The following DOCK1 variants were observed in gnomAD, a reference collection of about 807,000 sequenced individuals.
The protein encoded by DOCK1 is dedicator of cytokinesis protein 1.
Under a neutral mutation model 262.7 loss-of-function variants are expected in DOCK1, and 138 were observed. The ratio of observed to expected loss-of-function variants is 0.53; its 90% CI spans 0.46 to 0.61. The LOEUF (loss-of-function observed/expected upper bound fraction) is 0.61, where lower values mean the gene tolerates loss of function less well. Among genes scored for constraint, DOCK1 ranks in the 20% least tolerant of loss-of-function variants. DOCK1 has a pLI of 0.00. For synonymous variants in DOCK1, 866 were observed against 867.4 expected (o/e 1.00, Z 0.03); for missense variants, 1,908 against 2,370.7 (o/e 0.80, Z 4.05).
chr10:127,411,097 A>G (rs1302324385), intron 43 of DOCK1, among the ~76,000 whole-genome samples, 173 bp downstream of exon 43: 2 of 152,214 alleles, frequency 1.3e-5, no homozygotes, highest in Non-Finnish European at 2.9e-5. Flanking sequence ...TAGAAAAACT[A>G]ATTGCCATTT....
intron 26 of DOCK1, 46 bp from the exon 27 acceptor site, chr10:127,127,623 T>C: frequency 1.3e-6 from 2 of 1,483,568 alleles, no homozygotes; most frequent in Non-Finnish European, 1.9e-6. Flanking sequence ...GGCTTGCATG[T>C]TAATGTTTCT....
At chr10:126,949,509 C>T (rs1393261541) in intron 1 of DOCK1, among the ~76,000 whole-genome samples, 2 of 152,084 alleles carry the variant, frequency 1.3e-5, no homozygotes, top group Admixed American at 6.6e-5. Flanking sequence ...TTGTGAATTC[C>T]TTTTTCCCAG....
At chr10:127,203,974 T>C (rs1346354988) in intron 27 of DOCK1, among the ~76,000 whole-genome samples, 2 of 152,172 alleles carry the variant, frequency 1.3e-5, no homozygotes, top group Non-Finnish European at 2.9e-5. Flanking sequence ...TTTTTCTCTT[T>C]TTAGAAACTC....
intron 47 of DOCK1, among the ~76,000 whole-genome samples, chr10:127,431,081 C>T (rs1351526389): frequency 2.0e-5 from 3 of 152,178 alleles, no homozygotes; most frequent in Non-Finnish European, 4.4e-5. Context: ...CAGGAGGAAG[C>T]TGGGGCTCCG....
intron 27 of DOCK1, among the ~76,000 whole-genome samples, chr10:127,180,247 G>A (rs1462395386): frequency 6.6e-6 from 1 of 152,196 alleles, no homozygotes; most frequent in East Asian, 1.9e-4. Flanking sequence ...AGTGGGTGTT[G>A]GAGCACTGAG....
At chr10:127,070,237 C>G (rs1022751347) in intron 23 of DOCK1, among the ~76,000 whole-genome samples, 2 of 140,924 alleles carry the variant, frequency 1.4e-5, no homozygotes, top group East Asian at 2.2e-4. Flanking sequence ...AGGGTTGGAA[C>G]TTGAATTTAG....
intron 12 of DOCK1, among the ~76,000 whole-genome samples, chr10:127,016,788 A>G (rs1429183492): frequency 1.3e-5 from 2 of 151,364 alleles, no homozygotes; most frequent in Non-Finnish European, 3.0e-5. Context: ...ACACACGCGC[A>G]CACACACAGA....
intron 29 of DOCK1, among the ~76,000 whole-genome samples, chr10:127,270,847 T>C (rs1272435546): frequency 6.6e-6 from 1 of 152,194 alleles, no homozygotes; most frequent in African/African-American, 2.4e-5. Flanking sequence ...TCCAGTCTGG[T>C]GGTGTGTAGT....
rs1222246580 is a variant in DOCK1, at chr10:127,147,582, G to T, written c.2847+19818G>T. Among the ~76,000 whole-genome samples the T allele has an allele frequency of 2.6e-5, 4 of 152,084 alleles. No homozygotes were observed. The South Asian group carries it at 6.2e-4, about 24-fold the overall frequency. On this transcript the variant is annotated intron_variant, in intron 27 of 51. Coordinates refer to ENST00000623213, the MANE Select transcript of DOCK1 (RefSeq NM_001290223.2). ...CCCAGGGTAAGGGGCATGCATGGAG[G>T]TGTCTTCAGCAGCTTCACACTCCTC...
intron 28 of DOCK1, 89 bp downstream of exon 28, chr10:127,248,198 T>C (rs554863163): frequency 2.6e-6 from 3 of 1,168,028 alleles, no homozygotes; most frequent in East Asian, 2.5e-5. Flanking sequence ...TCATTTAAAA[T>C]AGGATTTTGC....
At chr10:126,911,365 T>C (rs1311993235) in intron 1 of DOCK1, among the ~76,000 whole-genome samples, 1 of 152,192 alleles carries the variant, frequency 6.6e-6, no homozygotes, top group African/African-American at 2.4e-5. Flanking sequence ...GTGGGAGCGC[T>C]GTATGAGCGG....
intron 23 of DOCK1, among the ~76,000 whole-genome samples, chr10:127,084,723 A>G (rs2047098147): frequency 6.6e-6 from 1 of 152,138 alleles, no homozygotes; most frequent in Non-Finnish European, 1.5e-5. Context: ...TACCCTAGGG[A>G]TGCTCCTGCT....
intron 29 of DOCK1, among the ~76,000 whole-genome samples, chr10:127,330,097 G>A (rs2062911831): frequency 6.6e-6 from 1 of 152,154 alleles, no homozygotes; most frequent in South Asian, 2.1e-4. Context: ...TTTGGAGGGA[G>A]CATTTTAAGG....
chr10:126,956,577 T>A (rs2036757211), intron 1 of DOCK1, among the ~76,000 whole-genome samples: 2 of 152,148 alleles, frequency 1.3e-5, no homozygotes, highest in Admixed American at 1.3e-4. Context: ...GAAAAGCAGC[T>A]CCTCAGCTCG....
chr10:127,291,776 G>T (rs1348613069), intron 29 of DOCK1, among the ~76,000 whole-genome samples: 2 of 152,214 alleles, frequency 1.3e-5, no homozygotes, highest in East Asian at 3.9e-4. Flanking sequence ...TATAGCCTAC[G>T]TAGAGAGAAT....
Position 127,356,674 on chromosome 10 carries a change from T to G in DOCK1, c.3283+1947T>G, listed in dbSNP as rs376253913. Among the ~76,000 whole-genome samples the G allele has an allele frequency of 1.2e-4, 18 of 152,178 alleles. No homozygotes were observed. In the East Asian group the frequency reaches 2.3e-3, roughly 20 times the overall value. ...GCAATGGCATGGAGGGGGGCTGTTC[T>G]CTGTTGGAACTCAGTGAGTCCAGGA... On this transcript the variant is annotated intron_variant, in intron 32 of 51. Coordinates refer to ENST00000623213, the MANE Select transcript of DOCK1 (RefSeq NM_001290223.2).
At chr10:127,207,935 AAT>A (rs2057797592) in intron 27 of DOCK1, among the ~76,000 whole-genome samples, 1 of 152,190 alleles carries the variant, frequency 6.6e-6, no homozygotes, top group Admixed American at 6.5e-5. Flanking sequence ...TTTAAGAATG[AAT>A]TGATGCGTTT....
chr10:127,096,991 G>T (rs964831294), intron 23 of DOCK1, among the ~76,000 whole-genome samples: 1 of 152,106 alleles, frequency 6.6e-6, no homozygotes, highest in Non-Finnish European at 1.5e-5. Context: ...TGTAATTCTA[G>T]CTACTCAGGA....
At chr10:126,988,510 C>T (rs967114445) in intron 5 of DOCK1, 1 of 152,156 alleles carries the variant, frequency 6.6e-6, no homozygotes, top group Non-Finnish European at 1.5e-5. Flanking sequence ...AACCTAAAAG[C>T]GTAAAGTTAG....
Sources: gnomAD v4.1 joint callset for allele counts (sites outside exome capture counted in the v4.1 genomes callset) on GRCh38, gnomAD v4.1.1 for gene constraint, MANE v1.5 for transcripts, NCBI Gene and HGNC (gene_info 2026-07-23, HGNC 2026-07-21) for gene names.